The following BABAM2 variants were observed in gnomAD, a reference collection of about 807,000 sequenced individuals.
BABAM2 encodes the protein BRISC and BRCA1 A complex member 2, also known as BRISC and BRCA1-A complex member 2.
BABAM2 carries 31 observed loss-of-function variants against 54.7 expected under a neutral mutation model. The observed-to-expected ratio is 0.57, with a 90% CI of 0.43 to 0.77. The LOEUF (loss-of-function observed/expected upper bound fraction) is 0.77. BABAM2 is among the 30% of genes least tolerant of loss of function. BABAM2 has a pLI of 0.00. For missense variants in BABAM2, 364 were observed against 455.8 expected (o/e 0.80, Z 1.83); for synonymous variants, 167 against 162.9 (o/e 1.03, Z -0.19).
chr2:28,143,106 A>G (rs1345440415), intron 7 of BABAM2, among the ~76,000 whole-genome samples: 1 of 151,868 alleles, frequency 6.6e-6, no homozygotes, highest in Non-Finnish European at 1.5e-5. Flanking sequence ...CAGTAGGGAA[A>G]CAACCTAATT....
At chr2:27,909,963 G>A (rs59806524) in intron 2 of BABAM2, among the ~76,000 whole-genome samples, 7,279 of 152,158 alleles carry the variant, frequency 0.048, 609 homozygotes, top group African/African-American at 0.17. Context: ...ACGTTTTGTT[G>A]CATATAATCC....
At chr2:28,112,106 T>TTTCC (rs1668089071) in intron 6 of BABAM2, among the ~76,000 whole-genome samples, 1 of 8,932 alleles carries the variant, frequency 1.1e-4, no homozygotes, top group Non-Finnish European at 2.3e-4. Flanking sequence ...TCTTTCTTTC[T>TTTCC]TTCTTTCTTT....
At chr2:28,085,475 A>G (rs1350354368) in intron 6 of BABAM2, among the ~76,000 whole-genome samples, 1 of 152,112 alleles carries the variant, frequency 6.6e-6, no homozygotes. Flanking sequence ...GTGTAGACGG[A>G]GACGTAAAAT....
intron 11 of BABAM2, among the ~76,000 whole-genome samples, chr2:28,298,830 C>G (rs1367249707): frequency 6.6e-6 from 1 of 152,108 alleles, no homozygotes; most frequent in African/African-American, 2.4e-5. Flanking sequence ...TTAGCCATGA[C>G]AGCTTTTGTT....
At chr2:27,966,057 G>A (rs559114265) in intron 3 of BABAM2, among the ~76,000 whole-genome samples, 4 of 152,260 alleles carry the variant, frequency 2.6e-5, no homozygotes, top group Admixed American at 2.6e-4. Context: ...GGCTTACTCA[G>A]GTTCAGGTTT....
intron 10 of BABAM2, among the ~76,000 whole-genome samples, chr2:28,280,564 T>C (rs115790777): frequency 0.014 from 2,202 of 152,202 alleles, 62 homozygotes; most frequent in African/African-American, 0.05. Flanking sequence ...TACACAGATA[T>C]AGTTAGATAC....
In BABAM2 at chr2:28,025,236, C is replaced by T. The variant is rs2148562540; in HGVS notation, c.311C>T (p.Ser104Phe). Residue 104 changes from serine to phenylalanine, a missense_variant, in exon 5 of 12, where the codon TCC becomes TTC. Transcript: ENST00000379624. ...TTACGACTTCTACAGAATCTTGCCT[C>T]CTGGAATCCTTCAAATCCTGAATGT... ...PDPSALQNLA[S>F]WNPSNPECLL... 1 of 1,589,692 alleles carries T rather than the reference C, an allele frequency of 6.3e-7. No homozygotes were observed. Among genetic ancestry groups the T allele is most frequent in the East Asian group, 2.2e-5 (1 of 44,694 alleles).
chr2:28,110,970 C>CTTT (rs551330384), intron 6 of BABAM2, among the ~76,000 whole-genome samples: 4 of 133,112 alleles, frequency 3.0e-5, no homozygotes, highest in African/African-American at 1.1e-4. Context: ...TTGGCTGTTT[C>CTTT]TTTTTTTTTT....
At chr2:28,296,813 G>A (rs1354181365) in intron 10 of BABAM2, among the ~76,000 whole-genome samples, 3 of 152,016 alleles carry the variant, frequency 2.0e-5, no homozygotes, top group Admixed American at 6.6e-5. Flanking sequence ...TCAGACTCCC[G>A]GGTAGCTGGG....
intron 5 of BABAM2, among the ~76,000 whole-genome samples, chr2:28,025,771 T>C (rs916920322): frequency 3.3e-5 from 5 of 152,170 alleles, no homozygotes; most frequent in Non-Finnish European, 4.4e-5. Context: ...TCCCCCTCCT[T>C]TGAGTGGAAG....
At chr2:27,915,427 C>T (rs898185681) in intron 2 of BABAM2, among the ~76,000 whole-genome samples, 21 of 152,250 alleles carry the variant, frequency 1.4e-4, no homozygotes, top group Admixed American at 1.2e-3. Context: ...GACTGTTATC[C>T]TTATTTTACA....
At chr2:28,111,841 C>T (rs1182363709) in intron 6 of BABAM2, among the ~76,000 whole-genome samples, 1 of 152,178 alleles carries the variant, frequency 6.6e-6, no homozygotes, top group Admixed American at 6.5e-5. Flanking sequence ...CTCATCCAGG[C>T]TTCAGCTGCC....
chr2:28,007,234 A>G (rs1401067416), intron 4 of BABAM2, among the ~76,000 whole-genome samples: 2 of 152,064 alleles, frequency 1.3e-5, no homozygotes, highest in Admixed American at 6.6e-5. Flanking sequence ...AGAGACAGGA[A>G]CTACTATGGA....
chr2:28,015,480 C>A (rs1040277326), intron 4 of BABAM2, among the ~76,000 whole-genome samples: 11 of 151,948 alleles, frequency 7.2e-5, no homozygotes, highest in Middle Eastern at 3.2e-3. Flanking sequence ...TAATTTTATT[C>A]CCAAATATCT....
intron 11 of BABAM2, chr2:28,309,690 A>C (rs140548336): frequency 3.4e-5 from 6 of 177,926 alleles, no homozygotes; most frequent in Non-Finnish European, 7.1e-5. Context: ...CCCAAAGTTT[A>C]AGGCCACCCC....
At chr2:28,104,057 A>G (rs1210823427) in intron 6 of BABAM2, among the ~76,000 whole-genome samples, 1 of 152,226 alleles carries the variant, frequency 6.6e-6, no homozygotes, top group Non-Finnish European at 1.5e-5. Context: ...TGGATTAAAG[A>G]CTTAAATGTT....
chr2:27,910,913 CA>C (rs1467388412), intron 2 of BABAM2, among the ~76,000 whole-genome samples: 1 of 152,136 alleles, frequency 6.6e-6, no homozygotes, highest in Non-Finnish European at 1.5e-5. Context: ...CCATAATCCC[CA>C]CCTGTCATGG....
intron 6 of BABAM2, among the ~76,000 whole-genome samples, chr2:28,111,572 T>A (rs1207602828): frequency 6.6e-6 from 1 of 152,236 alleles, no homozygotes; most frequent in Non-Finnish European, 1.5e-5. Context: ...TAAAATATCT[T>A]CCACTCTCCT....
At chr2:28,248,335 G>A (rs1683100220) in intron 10 of BABAM2, among the ~76,000 whole-genome samples, 1 of 148,358 alleles carries the variant, frequency 6.7e-6, no homozygotes, top group African/African-American at 2.5e-5. Flanking sequence ...TCAGCCTCTC[G>A]AGTAGCTGGG....
Sources: allele counts gnomAD v4.1 joint callset (sites outside exome capture counted in the v4.1 genomes callset), GRCh38; gene constraint gnomAD v4.1.1; transcripts MANE v1.5; gene names NCBI Gene and HGNC (gene_info 2026-07-23, HGNC 2026-07-21).